TTC27: variants seen among roughly 807,000 people sequenced by gnomAD.
TTC27 encodes tetratricopeptide repeat domain 27.
TTC27 carries 79 observed loss-of-function variants against 115.9 expected under a neutral mutation model. The observed-to-expected ratio is 0.68, with a 90% CI of 0.57 to 0.82. The LOEUF is 0.82. TTC27 is among the 40% of genes least tolerant of loss of function. The probability of loss-of-function intolerance (pLI) is 0.00; values close to 1 mark genes in which losing one functional copy is unlikely to be tolerated. For synonymous variants in TTC27, 401 were observed against 356.0 expected, an observed-to-expected ratio of 1.13 and a Z score of -1.42; for missense variants, 1,054 against 993.1, an observed-to-expected ratio of 1.06 and a Z score of -0.82.
chr2:32,720,845 C>T lies in TTC27; in HGVS notation c.1234-12983C>T, dbSNP rs530570304. ...TATTCTCTATTAAAGACTACTCTCT[C>T]ATGTGTTAGCGTCTCAGAATATTCG... On this transcript the variant is annotated intron_variant, in intron 10 of 19. Transcript: ENST00000317907. Among the ~76,000 whole-genome samples the T allele has an allele frequency of 8.9e-4, 136 of 152,304 alleles. 1 individual carries two copies. The highest frequency in any genetic ancestry group is 1.5e-3 in the Non-Finnish European group (103 of 68,018).
At chr2:32,749,856 A>G (rs1488199845) in intron 12 of TTC27, among the ~76,000 whole-genome samples, 1 of 152,230 alleles carries the variant, frequency 6.6e-6, no homozygotes, top group Non-Finnish European at 1.5e-5. Flanking sequence ...ATAAAAGCTA[A>G]CCTATATGTT....
intron 12 of TTC27, among the ~76,000 whole-genome samples, chr2:32,743,995 ATGT>A (rs1476872159): frequency 6.6e-6 from 1 of 152,226 alleles, no homozygotes; most frequent in Non-Finnish European, 1.5e-5. Flanking sequence ...AGTTCATCCA[ATGT>A]TTATAGACTA....
intron 15 of TTC27, among the ~76,000 whole-genome samples, chr2:32,784,470 T>G (rs1297505182): frequency 6.6e-6 from 1 of 152,250 alleles, no homozygotes; most frequent in Admixed American, 6.5e-5. Context: ...CATTAAACTT[T>G]CTTTTATCCT....
At chr2:32,718,145 A>G (rs1434439411) in intron 10 of TTC27, among the ~76,000 whole-genome samples, 1 of 152,206 alleles carries the variant, frequency 6.6e-6, no homozygotes, top group African/African-American at 2.4e-5. Flanking sequence ...AGATGAAACA[A>G]TTTAATTATA....
chr2:32,747,575 T>TA (rs1668873389), intron 12 of TTC27, among the ~76,000 whole-genome samples: 1 of 152,196 alleles, frequency 6.6e-6, no homozygotes, highest in Non-Finnish European at 1.5e-5. Context: ...ATTGTAAATT[T>TA]AAAAAATTGT....
chr2:32,688,690 A>C (rs67436281), intron 9 of TTC27, among the ~76,000 whole-genome samples: 21,572 of 152,096 alleles, frequency 0.14, 1,971 homozygotes, highest in Middle Eastern at 0.29. Flanking sequence ...AGAGAAATGC[A>C]AATTAAAACC....
chr2:32,728,184 G>A (rs1469822424), intron 10 of TTC27, among the ~76,000 whole-genome samples: 1 of 151,908 alleles, frequency 6.6e-6, no homozygotes, highest in Admixed American at 6.6e-5. Context: ...GGGACTGCAG[G>A]TGCCCACCAC....
At chr2:32,767,757 G>A (rs1297147885) in intron 13 of TTC27, among the ~76,000 whole-genome samples, 1 of 152,056 alleles carries the variant, frequency 6.6e-6, no homozygotes, top group Non-Finnish European at 1.5e-5. Flanking sequence ...CACCGCGCCC[G>A]GCCATTATAA....
intron 1 of TTC27, among the ~76,000 whole-genome samples, chr2:32,629,539 A>G: frequency 6.6e-6 from 1 of 151,866 alleles, no homozygotes. Context: ...GGTTCACGCC[A>G]TTCTCCTGCC....
intron 10 of TTC27, among the ~76,000 whole-genome samples, chr2:32,710,627 C>T (rs1003019964): frequency 4.6e-5 from 7 of 151,466 alleles, no homozygotes; most frequent in Non-Finnish European, 8.8e-5. Context: ...ACGGGTGTCA[C>T]CATGTTGGCC....
chr2:32,748,028 A>G (rs772821329), intron 12 of TTC27, among the ~76,000 whole-genome samples: 10 of 150,764 alleles, frequency 6.6e-5, no homozygotes, highest in Non-Finnish European at 1.0e-4. Context: ...TTCTTTTTCT[A>G]GTTACTTTTG....
Position 32,628,785 on chromosome 2 carries a change from G to A in TTC27, c.88+405G>A, listed in dbSNP as rs111987694. ...TATTTATTTATTTATTTATTGAGACGGAGTTTTGCTTTTTGCCCAGGCTGG... is the reference window on the plus strand; with the variant it reads ...TATTTATTTATTTATTTATTGAGACAGAGTTTTGCTTTTTGCCCAGGCTGG... On this transcript the variant is annotated intron_variant, in intron 1 of 19. Coordinates refer to ENST00000317907, the MANE Select transcript of TTC27 (RefSeq NM_017735.5). Among the ~76,000 whole-genome samples, 518 of 148,002 alleles carry A rather than the reference G, an allele frequency of 3.5e-3. 5 individuals are homozygous for A. The highest frequency in any genetic ancestry group is 0.011 in the African/African-American group (452 of 39,856).
intron 19 of TTC27, among the ~76,000 whole-genome samples, chr2:32,819,113 G>A (rs1421710406): frequency 6.6e-6 from 1 of 152,200 alleles, no homozygotes. Context: ...TACTACCACA[G>A]TAGTTTACTT....
Position 32,786,998 on chromosome 2 carries a change from G to T in TTC27, c.1847G>T (p.Arg616Ile). ...IRLKQKVKAF[R>I]TLQEALKCNY... ...ACCTTCAATAGAGTAAAAGCTTTTAGAACTTTACAAGAAGCTCTCAAGTGT... is the reference window on the plus strand; with the variant it reads ...ACCTTCAATAGAGTAAAAGCTTTTATAACTTTACAAGAAGCTCTCAAGTGT... The change falls in exon 16 of 20, where the codon AGA becomes ATA. Residue 616 changes from arginine to isoleucine, a missense_variant. Physicochemically the swap from Arg to Ile is moderately conservative, Grantham distance 97 (BLOSUM62 -3). Transcript: ENST00000317907. 1 of 1,611,602 alleles carries T rather than the reference G, an allele frequency of 6.2e-7. No individual in the cohort carries two copies. Among genetic ancestry groups the T allele is most frequent in the South Asian group, 1.1e-5 (1 of 90,310 alleles).
chr2:32,645,301 T>C (rs1157735549), intron 4 of TTC27, among the ~76,000 whole-genome samples: 2 of 152,196 alleles, frequency 1.3e-5, no homozygotes, highest in Non-Finnish European at 2.9e-5. Flanking sequence ...TTATGCTAGT[T>C]AATTTCTCTG....
chr2:32,706,603 C>T (rs1572533839), intron 10 of TTC27, among the ~76,000 whole-genome samples: 1 of 152,034 alleles, frequency 6.6e-6, no homozygotes, highest in Admixed American at 6.6e-5. Flanking sequence ...TTACTCTTGT[C>T]GCCCAGGCTG....
chr2:32,691,368 G>A (rs1002163460), intron 9 of TTC27, among the ~76,000 whole-genome samples: 4 of 149,364 alleles, frequency 2.7e-5, no homozygotes, highest in African/African-American at 9.9e-5. Context: ...GCGCAATCTC[G>A]GCTCACTGCA....
chr2:32,715,621 A>C (rs542729916), intron 10 of TTC27, among the ~76,000 whole-genome samples: 3 of 152,268 alleles, frequency 2.0e-5, no homozygotes, highest in Admixed American at 1.3e-4. Context: ...CCAAAATACC[A>C]TGTTTGTTAC....
intron 7 of TTC27, among the ~76,000 whole-genome samples, chr2:32,667,734 T>A (rs1398900273): frequency 6.7e-6 from 1 of 150,156 alleles, no homozygotes; most frequent in African/African-American, 2.4e-5. Flanking sequence ...TGTTTTTTAA[T>A]GTGGAGTTGT....
Sources: allele counts gnomAD v4.1 joint callset (sites outside exome capture counted in the v4.1 genomes callset), GRCh38; gene constraint gnomAD v4.1.1; transcripts MANE v1.5; gene names NCBI Gene and HGNC (gene_info 2026-07-23, HGNC 2026-07-21).